Variants in NYAP2 observed in about 807,000 individuals in gnomAD.
NYAP2 encodes neuronal tyrosine-phosphorylated phosphoinositide-3-kinase adapter 2.
In NYAP2, 23 loss-of-function variants were observed where a neutral mutation model predicts 50.4. That is an observed-to-expected ratio of 0.46 (90% CI 0.33 to 0.65). The LOEUF (loss-of-function observed/expected upper bound fraction) is 0.65, where lower values mean the gene tolerates loss of function less well. Ranked by LOEUF, NYAP2 falls within the 30% of genes least tolerant of loss-of-function variation. The probability of loss-of-function intolerance (pLI) is 0.02; values close to 1 mark genes in which losing one functional copy is unlikely to be tolerated. For synonymous variants in NYAP2, 394 were observed against 365.2 expected (o/e 1.08, Z -0.90); for missense variants, 885 against 861.0 (o/e 1.03, Z -0.35).
chr2:225,532,196 T>C (rs1691267510), intron 4 of NYAP2, among the ~76,000 whole-genome samples: 1 of 152,200 alleles, frequency 6.6e-6, no homozygotes, highest in Non-Finnish European at 1.5e-5. Flanking sequence ...ATTCCTTTTT[T>C]TCCATTATGT....
chr2:225,457,175 T>C (rs547701843), intron 3 of NYAP2, among the ~76,000 whole-genome samples: 11 of 152,358 alleles, frequency 7.2e-5, no homozygotes, highest in East Asian at 3.9e-4. Flanking sequence ...ATGTACATCC[T>C]GTGCTTTTCC....
the NYAP2 span, among the ~76,000 whole-genome samples, chr2:225,677,171 CT>C: frequency 1.3e-5 from 2 of 151,950 alleles, no homozygotes; most frequent in Non-Finnish European, 2.9e-5. Context: ...TTATTTGTGG[CT>C]ATTATAAATG....
chr2:225,589,516 A>AAAAAAAATATATATAT (rs112700820), intron 5 of NYAP2, among the ~76,000 whole-genome samples: 1 of 71,356 alleles, frequency 1.4e-5, no homozygotes, highest in African/African-American at 5.5e-5. Flanking sequence ...CTAAAAGTAA[A>AAAAAAAATATATATAT]ATATATATAT....
intron 5 of NYAP2, among the ~76,000 whole-genome samples, chr2:225,610,858 G>A (rs1692869597): frequency 6.6e-6 from 1 of 152,110 alleles, no homozygotes; most frequent in Non-Finnish European, 1.5e-5. Context: ...TTAAAGACTT[G>A]AAGAAATCTT....
At chr2:225,443,891 G>T (rs1343335908) in intron 3 of NYAP2, among the ~76,000 whole-genome samples, 1 of 152,174 alleles carries the variant, frequency 6.6e-6, no homozygotes, top group Non-Finnish European at 1.5e-5. Context: ...ATCCAATTGA[G>T]TCGACATACT....
the NYAP2 span, among the ~76,000 whole-genome samples, chr2:225,694,453 T>G: frequency 6.6e-6 from 1 of 151,970 alleles, no homozygotes; most frequent in African/African-American, 2.4e-5. Flanking sequence ...AATGAAAGCA[T>G]GACATCTTAC....
Position 225,582,870 on chromosome 2 carries a change from G to A in NYAP2, c.1453G>A (p.Ala485Thr), listed in dbSNP as rs201024968. 106 of 1,613,762 alleles carry A rather than the reference G, an allele frequency of 6.6e-5. 1 individual carries two copies. The South Asian group carries it at 8.0e-4, about 12-fold the overall frequency. ...CCCCAGACCCGTGTCGCAAGATGGG[G>A]CCAAGATGGTCAACGCCGCGGTGAA... Residue 485 changes from alanine to threonine, a missense_variant, in exon 5 of 7, where the codon GCC (alanine) becomes ACC (threonine). Coordinates refer to ENST00000636099, the Ensembl canonical transcript of NYAP2. This position sits in a 1 kb window ranked among gnomAD's most constrained non-coding sequence, Gnocchi z 7.0.
chr2:225,574,625 G>T (rs958831673), intron 4 of NYAP2, among the ~76,000 whole-genome samples: 2 of 152,214 alleles, frequency 1.3e-5, no homozygotes, highest in Non-Finnish European at 2.9e-5. Context: ...TCTAAACAGT[G>T]TTGCCAAGTA....
intron 4 of NYAP2, among the ~76,000 whole-genome samples, chr2:225,555,853 A>G (rs1216079997): frequency 2.6e-5 from 4 of 152,154 alleles, no homozygotes; most frequent in Admixed American, 2.0e-4. Flanking sequence ...GCTCCTCTCT[A>G]CCTTCAGTTC....
chr2:225,458,665 A>G (rs1689777441), intron 3 of NYAP2, among the ~76,000 whole-genome samples: 1 of 152,236 alleles, frequency 6.6e-6, no homozygotes, highest in Admixed American at 6.5e-5. Flanking sequence ...CATTGTTTAC[A>G]TGTCTGTGTG....
intron 4 of NYAP2, among the ~76,000 whole-genome samples, chr2:225,543,070 C>T (rs1461810070): frequency 1.3e-5 from 2 of 151,984 alleles, no homozygotes; most frequent in African/African-American, 2.4e-5. Context: ...ATAGTAACCA[C>T]TAATAATCAT....
intron 3 of NYAP2, among the ~76,000 whole-genome samples, chr2:225,417,931 T>C (rs1695151801): frequency 6.6e-6 from 1 of 150,990 alleles, no homozygotes; most frequent in African/African-American, 2.4e-5. Context: ...TGGTAGGGGG[T>C]TGGGAGGTGG....
intron 5 of NYAP2, among the ~76,000 whole-genome samples, chr2:225,615,915 T>A (rs999456497): frequency 2.6e-5 from 4 of 152,200 alleles, no homozygotes; most frequent in Non-Finnish European, 5.9e-5. Context: ...GCTTTATATT[T>A]CATTATTCTT....
At chr2:225,687,887 C>T in the NYAP2 span, among the ~76,000 whole-genome samples, 1 of 152,130 alleles carries the variant, frequency 6.6e-6, no homozygotes, top group Non-Finnish European at 1.5e-5. Context: ...TTATCATTAA[C>T]TAGAATTTGG....
At chr2:225,622,575 CT>C (rs367643577) in intron 5 of NYAP2, among the ~76,000 whole-genome samples, 1,218 of 66,692 alleles carry the variant, frequency 0.018, 19 homozygotes, top group Non-Finnish European at 0.022. Flanking sequence ...TTCTTTCTTT[CT>C]TTCTTCTTTC....
At chr2:225,509,780 A>G (rs1421264248) in intron 3 of NYAP2, among the ~76,000 whole-genome samples, 1 of 152,174 alleles carries the variant, frequency 6.6e-6, no homozygotes, top group Non-Finnish European at 1.5e-5. Flanking sequence ...CTCGTCAATT[A>G]ACTTCATTCC....
rs1310080400 is a variant in NYAP2 at position 225,485,791 on chromosome 2, C to T, written c.222-27580C>T. 2.0e-5 allele frequency among the ~76,000 whole-genome samples: 3 copies of T among 152,120 alleles called. No individual in the cohort carries two copies. The East Asian group carries it at 5.8e-4, about 29-fold the overall frequency. On this transcript the variant is annotated intron_variant, in intron 3 of 6. Coordinates refer to ENST00000636099, the Ensembl canonical transcript of NYAP2. The stretch of plus-strand genomic sequence containing the variant: ...AAAAGAGGAGAGAAGCATGCCATTA[C>T]CTCAAAAAGCTTCAGAAGCCCTTAG...
At chr2:225,513,331 C>T in intron 3 of NYAP2, 40 bp from the exon 4 acceptor site, 1 of 1,595,674 alleles carries the variant, frequency 6.3e-7, no homozygotes, top group Non-Finnish European at 8.6e-7. Context: ...TATCCTGGCT[C>T]CTTTTGTCTT....
chr2:225,397,970 T>G (rs1385881853), upstream of NYAP2, among the ~76,000 whole-genome samples: 2 of 151,980 alleles, frequency 1.3e-5, no homozygotes, highest in African/African-American at 4.8e-5. Flanking sequence ...TATATTTTCC[T>G]AAAGTTGAAT....
Sources: gnomAD v4.1 joint callset for allele counts (sites outside exome capture counted in the v4.1 genomes callset) on GRCh38, gnomAD v4.1.1 for gene constraint, Gnocchi (gnomAD v3.1) non-coding constraint, MANE v1.5 for transcripts, NCBI Gene and HGNC (gene_info 2026-07-23, HGNC 2026-07-21) for gene names.